The following CTNNA3 variants were observed in gnomAD, a reference collection of about 807,000 sequenced individuals.
CTNNA3 encodes the protein catenin alpha 3.
In CTNNA3, 76 loss-of-function variants were observed where a neutral mutation model predicts 95.7. That is an observed-to-expected ratio of 0.79 (90% confidence interval 0.66 to 0.96). The LOEUF (loss-of-function observed/expected upper bound fraction) is 0.96, where lower values mean the gene tolerates loss of function less well. Ranked by LOEUF, CTNNA3 falls within the 40% of genes least tolerant of loss-of-function variation. CTNNA3 has a pLI of 0.00. For missense variants in CTNNA3, 1,191 were observed against 1,089.8 expected (o/e 1.09, Z -1.31); for synonymous variants, 431 against 374.4 (o/e 1.15, Z -1.74).
chr10:65,925,184 ACTAGT>A (rs1288980828), intron 17 of CTNNA3, among the ~76,000 whole-genome samples: 5 of 152,170 alleles, frequency 3.3e-5, no homozygotes, highest in African/African-American at 1.2e-4. Flanking sequence ...CTACCCAAAC[ACTAGT>A]CTAAACTTCC....
At chr10:66,865,846 C>T (rs566507023) in intron 7 of CTNNA3, among the ~76,000 whole-genome samples, 2 of 152,048 alleles carry the variant, frequency 1.3e-5, no homozygotes, top group African/African-American at 2.4e-5. Context: ...ATAAGTTGAA[C>T]ATTTGAATAA....
At chr10:66,318,276 A>ATATATATATGTG (rs33943741) in intron 12 of CTNNA3, among the ~76,000 whole-genome samples, 217 of 136,654 alleles carry the variant, frequency 1.6e-3, no homozygotes, top group Non-Finnish European at 2.1e-3. Context: ...ATATATATAT[A>ATATATATATGTG]TGTGTGTGTG....
At chr10:67,591,739 T>C (rs1233132741) in intron 3 of CTNNA3, among the ~76,000 whole-genome samples, 1 of 151,856 alleles carries the variant, frequency 6.6e-6, no homozygotes, top group Non-Finnish European at 1.5e-5. Flanking sequence ...TGAAAAGACA[T>C]GTAAGAGAAG....
intron 5 of CTNNA3, among the ~76,000 whole-genome samples, chr10:67,428,015 G>A (rs1845980778): frequency 6.6e-6 from 1 of 151,920 alleles, no homozygotes; most frequent in Non-Finnish European, 1.5e-5. Context: ...TCCCCCTCAG[G>A]TCTCCCATAG....
chr10:67,531,171 C>T (rs1471969039), intron 4 of CTNNA3, among the ~76,000 whole-genome samples: 1 of 152,158 alleles, frequency 6.6e-6, no homozygotes, highest in Non-Finnish European at 1.5e-5. Context: ...ACACAGAGTA[C>T]CTACTGGGGC....
At chr10:66,585,114 T>C (rs1843315829) in intron 10 of CTNNA3, among the ~76,000 whole-genome samples, 1 of 152,016 alleles carries the variant, frequency 6.6e-6, no homozygotes, top group African/African-American at 2.4e-5. Context: ...CTCTTAGAAT[T>C]TTTTCCTTCA....
At chr10:67,347,939 AC>A (rs1381396049) in intron 5 of CTNNA3, among the ~76,000 whole-genome samples, 2 of 152,114 alleles carry the variant, frequency 1.3e-5, no homozygotes, top group East Asian at 3.9e-4. Context: ...CATGAAAACA[AC>A]TCCTTCAGCA....
chr10:66,334,602 G>C (rs2092372903), intron 12 of CTNNA3, among the ~76,000 whole-genome samples: 1 of 152,106 alleles, frequency 6.6e-6, no homozygotes, highest in Non-Finnish European at 1.5e-5. Context: ...CGAGAGGTCA[G>C]CTGTAAGTCT....
intron 11 of CTNNA3, among the ~76,000 whole-genome samples, chr10:66,426,909 T>C (rs1475298106): frequency 6.6e-6 from 1 of 151,624 alleles, no homozygotes; most frequent in South Asian, 2.1e-4. Flanking sequence ...ATATATATTT[T>C]AAATCTGTTT....
At chr10:66,838,412 A>G (rs1283422288) in intron 7 of CTNNA3, among the ~76,000 whole-genome samples, 2 of 152,138 alleles carry the variant, frequency 1.3e-5, no homozygotes, top group Non-Finnish European at 2.9e-5. Flanking sequence ...TGTCTTCTAG[A>G]AGCTAATTCT....
intron 11 of CTNNA3, among the ~76,000 whole-genome samples, chr10:66,420,944 C>A (rs2093188370): frequency 6.6e-6 from 1 of 152,106 alleles, no homozygotes; most frequent in African/African-American, 2.4e-5. Flanking sequence ...ATCGGTATAT[C>A]AAAGGGATTC....
At chr10:66,446,367 AC>A (rs1410912278) in intron 11 of CTNNA3, among the ~76,000 whole-genome samples, 1 of 139,974 alleles carries the variant, frequency 7.1e-6, no homozygotes, top group Non-Finnish European at 1.6e-5. Context: ...CAGAGACACA[AC>A]CAAAAAAGGT....
chr10:67,761,179 G>A (rs776649733), intron 1 of CTNNA3, among the ~76,000 whole-genome samples: 4 of 152,136 alleles, frequency 2.6e-5, no homozygotes, highest in Non-Finnish European at 5.9e-5. Context: ...TGAAAATACA[G>A]TATTAAAGTT....
At chr10:67,240,593 G>A (rs1865680927) in intron 5 of CTNNA3, among the ~76,000 whole-genome samples, 2 of 152,096 alleles carry the variant, frequency 1.3e-5, no homozygotes, top group African/African-American at 4.8e-5. Context: ...TCATTTCATA[G>A]AAATAGGACA....
At chr10:67,463,753 CT>C (rs1847470065) in intron 5 of CTNNA3, among the ~76,000 whole-genome samples, 1 of 152,192 alleles carries the variant, frequency 6.6e-6, no homozygotes, top group African/African-American at 2.4e-5. Flanking sequence ...CATATAGTCT[CT>C]CTTGTGAATA....
chr10:65,915,754 T>C lies in CTNNA3; in HGVS notation c.*4576A>G, dbSNP rs1346179763. 2 of 152,206 alleles carry C rather than the reference T, an allele frequency of 1.3e-5. No individual in the cohort carries two copies. The highest frequency in any genetic ancestry group is 2.9e-5 in the Non-Finnish European group (2 of 68,026). The allele number at this position is 152,206 out of a possible 1,614,324, so 9.4% of individuals were successfully genotyped here. On this transcript the variant is annotated 3_prime_UTR_variant, in exon 18 of 18. Coordinates refer to ENST00000433211, the MANE Select transcript of CTNNA3 (RefSeq NM_013266.4). Reference sequence around the variant, plus strand: ...TTTTAGAGTGTCCAGAAATGGATTCTATCTTGTCTGTTAGGGGGAAAATAT... The same window carrying C: ...TTTTAGAGTGTCCAGAAATGGATTCCATCTTGTCTGTTAGGGGGAAAATAT...
At chr10:67,517,131 T>C (rs1839841527) in intron 5 of CTNNA3, among the ~76,000 whole-genome samples, 1 of 152,172 alleles carries the variant, frequency 6.6e-6, no homozygotes, top group Admixed American at 6.6e-5. Flanking sequence ...GTAAGATTGA[T>C]AGGTCTTATG....
At chr10:67,666,137 C>G (rs1589551586) in intron 1 of CTNNA3, among the ~76,000 whole-genome samples, 2 of 152,224 alleles carry the variant, frequency 1.3e-5, no homozygotes, top group Middle Eastern at 3.4e-3. Flanking sequence ...TATGGGTATA[C>G]TACATGATGC....
At chr10:66,460,088 A>G (rs1488343076) in intron 11 of CTNNA3, among the ~76,000 whole-genome samples, 2 of 152,136 alleles carry the variant, frequency 1.3e-5, no homozygotes, top group African/African-American at 4.8e-5. Flanking sequence ...TCCTATTCCA[A>G]ATGGATCTGA....
Sources: gnomAD v4.1 joint callset for allele counts (sites outside exome capture counted in the v4.1 genomes callset) on GRCh38, gnomAD v4.1.1 for gene constraint, MANE v1.5 for transcripts, NCBI Gene and HGNC (gene_info 2026-07-23, HGNC 2026-07-21) for gene names.